PSIP1: variants seen among roughly 807,000 people sequenced by gnomAD.
PSIP1 encodes the protein PC4 and SFRS1-interacting protein.
Under a neutral mutation model 74.7 loss-of-function variants are expected in PSIP1, and 19 were observed. That is an observed-to-expected ratio of 0.25 (90% CI 0.18 to 0.37). The LOEUF (loss-of-function observed/expected upper bound fraction) is 0.37, where lower values mean the gene tolerates loss of function less well. PSIP1 is among the 10% of genes least tolerant of loss of function. The probability of loss-of-function intolerance (pLI) is 1.00; values close to 1 mark genes in which losing one functional copy is unlikely to be tolerated. For missense variants in PSIP1, 601 were observed against 614.3 expected (o/e 0.98, Z 0.23); for synonymous variants, 222 against 195.3 (o/e 1.14, Z -1.14).
intron 10 of PSIP1, chr9:15,472,349 T>G: frequency 1.1e-5 from 13 of 1,200,982 alleles, no homozygotes; most frequent in Non-Finnish European, 1.3e-5. Flanking sequence ...TGGTTGAGGA[T>G]GAGTACACTT....
rs771549197 is a variant in PSIP1 at position 15,468,953 on chromosome 9, T to G, written c.1206+4A>C. 2 of 1,612,598 alleles carry G rather than the reference T, an allele frequency of 1.2e-6. No homozygotes were observed. The highest frequency in any genetic ancestry group is 3.3e-5 in the Admixed American group (2 of 59,866). ...AAGAATCCACATGACTTGAAATCACTTACTTTTTTCAGTGTAGTAATCATC... is the reference window on the plus strand; with the variant it reads ...AAGAATCCACATGACTTGAAATCACGTACTTTTTTCAGTGTAGTAATCATC... On this transcript the variant is annotated splice_donor_region_variant and intron_variant, in intron 13 of 15. Coordinates refer to ENST00000380733, the MANE Select transcript of PSIP1 (RefSeq NM_033222.5).
intron 15 of PSIP1, 83 bp from the exon 16 acceptor site, chr9:15,465,663 T>G: frequency 8.4e-7 from 1 of 1,186,570 alleles, no homozygotes; most frequent in Non-Finnish European, 1.2e-6. Flanking sequence ...TGCATTATAT[T>G]TTTAAACCCA....
At chr9:15,469,908 T>G in intron 11 of PSIP1, 30 bp downstream of exon 11, 2 of 1,568,648 alleles carry the variant, frequency 1.3e-6, no homozygotes, top group East Asian at 2.2e-5. Flanking sequence ...ATGTATAATT[T>G]TATGTATCTT....
intron 3 of PSIP1, chr9:15,506,203 T>C (rs1200029902): frequency 6.0e-6 from 1 of 167,838 alleles, no homozygotes; most frequent in Non-Finnish European, 1.3e-5. Context: ...GCATATCTGA[T>C]ATCATAAAAC....
intron 8 of PSIP1, among the ~76,000 whole-genome samples, chr9:15,476,246 G>C (rs1001476002): frequency 1.3e-5 from 2 of 152,078 alleles, no homozygotes; most frequent in Non-Finnish European, 2.9e-5. Context: ...TCAGGAAAAA[G>C]CTCACTAATA....
At position 15,508,102 on chromosome 9, in the gene PSIP1, A is replaced by T. The variant is rs188665173; in HGVS notation, c.73-1465T>A. 1.3e-3 allele frequency among the ~76,000 whole-genome samples: 192 copies of T among 152,334 alleles called. 1 individual carries two copies. Among genetic ancestry groups the T allele is most frequent in the African/African-American group, 4.3e-3 (180 of 41,566 alleles). On this transcript the variant is annotated intron_variant, in intron 2 of 15. Transcript: ENST00000380733. ...CAAATGCCGGGCAAAATTTAAGTTGATTTTTTAAATAATTATTACTGGTAA... is the reference window on the plus strand; with the variant it reads ...CAAATGCCGGGCAAAATTTAAGTTGTTTTTTTAAATAATTATTACTGGTAA...
chr9:15,490,243 T>A, intron 3 of PSIP1, 119 bp from the exon 4 acceptor site: 1 of 928,878 alleles, frequency 1.1e-6, no homozygotes, highest in Non-Finnish European at 1.5e-6. Flanking sequence ...TTACAAATCT[T>A]AAATAAGTTA....
intron 14 of PSIP1, among the ~76,000 whole-genome samples, chr9:15,467,958 TA>T (rs147541949): frequency 0.036 from 5,468 of 151,998 alleles, 326 homozygotes; most frequent in African/African-American, 0.13. Context: ...CCGTGCCTAC[TA>T]AAAATACAAA....
intron 3 of PSIP1, among the ~76,000 whole-genome samples, chr9:15,500,447 G>A (rs1315802721): frequency 6.6e-6 from 1 of 151,858 alleles, no homozygotes; most frequent in East Asian, 1.9e-4. Flanking sequence ...CTCCAGCCTG[G>A]GAGACAGAGC....
intron 3 of PSIP1, among the ~76,000 whole-genome samples, chr9:15,504,080 C>T (rs2037470433): frequency 6.6e-6 from 1 of 152,200 alleles, no homozygotes; most frequent in African/African-American, 2.4e-5. Context: ...AAGTCACCAC[C>T]AGACCAACAT....
intron 3 of PSIP1, among the ~76,000 whole-genome samples, chr9:15,498,531 G>A (rs1252522968): frequency 1.3e-5 from 2 of 151,916 alleles, no homozygotes; most frequent in Non-Finnish European, 2.9e-5. Context: ...CCTTGGGCAC[G>A]CAGTCCGACA....
chr9:15,472,537 G>T (rs772563637), intron 10 of PSIP1, 95 bp downstream of exon 10: 2 of 1,482,706 alleles, frequency 1.3e-6, no homozygotes, highest in East Asian at 2.5e-5. Flanking sequence ...TCTTCAAAAG[G>T]CTTCATAAAG....
intron 4 of PSIP1, among the ~76,000 whole-genome samples, chr9:15,488,982 A>G (rs1013749258): frequency 9.2e-5 from 14 of 152,080 alleles, no homozygotes; most frequent in African/African-American, 3.4e-4. Context: ...GATAGAGCCA[A>G]TGCACCCCAG....
At chr9:15,505,365 T>C (rs905143074) in intron 3 of PSIP1, 1 of 152,246 alleles carries the variant, frequency 6.6e-6, no homozygotes, top group Non-Finnish European at 1.5e-5. Context: ...TGTCCTCTAT[T>C]AAATTTACTG....
chr9:15,476,540 G>T (rs1414178187), intron 8 of PSIP1, among the ~76,000 whole-genome samples: 1 of 152,064 alleles, frequency 6.6e-6, no homozygotes, highest in African/African-American at 2.4e-5. Flanking sequence ...TTTCAAATTG[G>T]GTGATAGCCT....
rs1009459102 is a variant in PSIP1 at position 15,469,879 on chromosome 9, T to C, written c.1033+59A>G. 59 of 1,407,460 alleles carry C rather than the reference T, an allele frequency of 4.2e-5. No individual in the cohort carries two copies. The Middle Eastern group carries it at 1.5e-3, about 36-fold the overall frequency. The allele number at this position is 1,407,460 out of a possible 1,614,324, so 87.2% of individuals were successfully genotyped here. A position where few individuals can be genotyped will look rare whatever the true frequency, so the allele number is the denominator to read the frequency against. On this transcript the variant is annotated intron_variant, in intron 11 of 15. Coordinates refer to ENST00000380733, the MANE Select transcript of PSIP1 (RefSeq NM_033222.5). ...CAAAACCAATACATGAAAAGTTATG[T>C]CTATATAACTTCTTTTCCATGTATA...
At chr9:15,494,776 CA>C (rs1453821235) in intron 3 of PSIP1, among the ~76,000 whole-genome samples, 1 of 152,038 alleles carries the variant, frequency 6.6e-6, no homozygotes, top group Non-Finnish European at 1.5e-5. Context: ...AAACTGAAAT[CA>C]TCTCATTCCA....
chr9:15,504,958 C>CTTTTTT (rs761643860), intron 3 of PSIP1: 3 of 126,384 alleles, frequency 2.4e-5, no homozygotes, highest in African/African-American at 6.0e-5. Flanking sequence ...GGCCTAAGAA[C>CTTTTTT]TTTTTTTTTT....
At chr9:15,478,668 A>G (rs1329287669) in intron 7 of PSIP1, 116 bp from the exon 8 acceptor site, 3 of 668,750 alleles carry the variant, frequency 4.5e-6, no homozygotes, top group African/African-American at 1.9e-5. Flanking sequence ...AGCTTATTAC[A>G]GATACAATTA....
Sources: gnomAD v4.1 joint callset for allele counts (sites outside exome capture counted in the v4.1 genomes callset) on GRCh38, gnomAD v4.1.1 for gene constraint, MANE v1.5 for transcripts, NCBI Gene and HGNC (gene_info 2026-07-23, HGNC 2026-07-21) for gene names.